Variants in TNNI3K observed in about 807,000 individuals in gnomAD.
TNNI3K encodes serine/threonine-protein kinase TNNI3K.
TNNI3K carries 140 observed loss-of-function variants against 114.5 expected under a neutral mutation model. That is an observed-to-expected ratio of 1.22 (90% CI 1.07 to 1.41). TNNI3K has a LOEUF of 1.41. Ranked by LOEUF, TNNI3K falls within the 40% of genes most tolerant of loss-of-function variation. The pLI is 0.00. For synonymous variants in TNNI3K, 347 were observed against 347.5 expected, an observed-to-expected ratio of 1.00 and a Z score of 0.02; for missense variants, 1,125 against 1,007.6, an observed-to-expected ratio of 1.12 and a Z score of -1.58.
At chr1:74,503,795 T>C (rs1246354886) in intron 23 of TNNI3K, among the ~76,000 whole-genome samples, 2 of 152,156 alleles carry the variant, frequency 1.3e-5, no homozygotes, top group Non-Finnish European at 2.9e-5. Flanking sequence ...TGCCCATAGG[T>C]TTTACTAATT....
chr1:74,328,643 C>T (rs1030511195), intron 5 of TNNI3K, among the ~76,000 whole-genome samples: 1 of 152,104 alleles, frequency 6.6e-6, no homozygotes, highest in Non-Finnish European at 1.5e-5. Context: ...CATTTTGACA[C>T]TTTCTCAGAA....
At chr1:74,524,226 G>A (rs1646472549) in intron 23 of TNNI3K, among the ~76,000 whole-genome samples, 1 of 152,206 alleles carries the variant, frequency 6.6e-6, no homozygotes, top group Non-Finnish European at 1.5e-5. Flanking sequence ...GTATTTAGAG[G>A]CATTCTGAAG....
chr1:74,257,663 C>CTTTTTTTTTT (rs66853287), intron 4 of TNNI3K, among the ~76,000 whole-genome samples: 2 of 87,242 alleles, frequency 2.3e-5, no homozygotes, highest in African/African-American at 5.4e-5. Context: ...TGGCTTACCT[C>CTTTTTTTTTT]TTTTTTTTTT....
intron 5 of TNNI3K, among the ~76,000 whole-genome samples, chr1:74,286,407 G>A (rs1272311797): frequency 6.6e-6 from 1 of 152,020 alleles, no homozygotes; most frequent in Non-Finnish European, 1.5e-5. Context: ...GGCCTGCTCT[G>A]GGCCACCCCA....
chr1:74,236,324 G>C, intron 2 of TNNI3K, 114 bp downstream of exon 2: 2 of 845,118 alleles, frequency 2.4e-6, no homozygotes, highest in Non-Finnish European at 3.6e-6. Context: ...AAGCAGTCAT[G>C]TTCTAAGCCT....
At chr1:74,357,042 G>A (rs1414219787) in intron 11 of TNNI3K, among the ~76,000 whole-genome samples, 1 of 152,190 alleles carries the variant, frequency 6.6e-6, no homozygotes, top group Non-Finnish European at 1.5e-5. Context: ...TGTGTTCAGG[G>A]AGAACTGAAG....
chr1:74,454,333 T>C (rs1233044473), intron 20 of TNNI3K, among the ~76,000 whole-genome samples: 5 of 152,186 alleles, frequency 3.3e-5, no homozygotes, highest in Non-Finnish European at 7.4e-5. Flanking sequence ...TAACTGTACT[T>C]TTGTATCTAT....
At chr1:74,333,523 G>A (rs1380360633) in intron 6 of TNNI3K, among the ~76,000 whole-genome samples, 2 of 152,102 alleles carry the variant, frequency 1.3e-5, no homozygotes, top group African/African-American at 4.8e-5. Flanking sequence ...AACTAAATTT[G>A]TTTACTTTCC....
In TNNI3K at chr1:74,244,748, C is replaced by T. The variant is rs940018000; in HGVS notation, c.150-4711C>T. On this transcript the variant is annotated intron_variant, in intron 2 of 24. Coordinates refer to ENST00000326637, the MANE Select transcript of TNNI3K (RefSeq NM_015978.3). ...GTGAGCCTTAAGAGCAGAAGTGAGG[C>T]GTATAGTAGGTGTTTAGCAGGTGTT... Among the ~76,000 whole-genome samples the T allele has an allele frequency of 6.0e-5, 9 of 150,890 alleles. No individual in the cohort carries two copies. The East Asian group carries it at 1.2e-3, about 20-fold the overall frequency.
intron 2 of TNNI3K, among the ~76,000 whole-genome samples, chr1:74,245,864 T>C (rs2100838017): frequency 6.6e-6 from 1 of 152,314 alleles, no homozygotes; most frequent in African/African-American, 2.4e-5. Flanking sequence ...CCCTTCTTGC[T>C]TTCTGTGTTC....
chr1:74,313,187 C>T (rs564737461), intron 5 of TNNI3K, among the ~76,000 whole-genome samples: 2 of 152,296 alleles, frequency 1.3e-5, no homozygotes, highest in East Asian at 3.9e-4. Context: ...GGCATTATCT[C>T]TTTGGGGGAC....
At chr1:74,450,590 A>T (rs1666946531) in intron 20 of TNNI3K, among the ~76,000 whole-genome samples, 1 of 152,234 alleles carries the variant, frequency 6.6e-6, no homozygotes, top group Non-Finnish European at 1.5e-5. Flanking sequence ...GGCAAAGGAC[A>T]TGAACAGACA....
rs757694129 is a variant in TNNI3K at position 74,342,998 on chromosome 1, G to A, written c.827+12G>A. 9.9e-6 allele frequency: 16 copies of A among 1,613,588 alleles called. No individual in the cohort carries two copies. Among genetic ancestry groups the A allele is most frequent in the African/African-American group, 9.4e-5 (7 of 74,864 alleles). On this transcript the variant is annotated intron_variant, in intron 8 of 24. Coordinates refer to ENST00000326637, the MANE Select transcript of TNNI3K (RefSeq NM_015978.3). ...ACCCCCTTACACCTGTGAGTATTAT[G>A]TAGCATTCCATAGGTTCTCCAGGTA... is the stretch of plus-strand genomic sequence containing the variant.
chr1:74,445,647 G>T, intron 20 of TNNI3K, among the ~76,000 whole-genome samples: 3 of 125,796 alleles, frequency 2.4e-5, no homozygotes. Flanking sequence ...GTCTCGCTCT[G>T]TCGCCCAGGC....
chr1:74,456,306 AAGGAGC>A (rs1667223505), intron 20 of TNNI3K, among the ~76,000 whole-genome samples: 1 of 152,160 alleles, frequency 6.6e-6, no homozygotes, highest in South Asian at 2.1e-4. Flanking sequence ...GATACAAGAA[AAGGAGC>A]AGATTTATGA....
chr1:74,289,640 G>T (rs1657554396), intron 5 of TNNI3K, among the ~76,000 whole-genome samples: 1 of 151,882 alleles, frequency 6.6e-6, no homozygotes, highest in Admixed American at 6.6e-5. Flanking sequence ...ACACAGCCTT[G>T]CCATTGATAG....
At chr1:74,463,642 TTAAGACTGTCAAGGC>T in intron 21 of TNNI3K, 92 bp downstream of exon 21, 1 of 1,432,394 alleles carries the variant, frequency 7.0e-7, no homozygotes, top group Non-Finnish European at 9.7e-7. Context: ...AGTGTGTATT[TTAAGACTGTCAAGGC>T]GGGAAGACTG....
chr1:74,339,080 C>G (rs1660623611), intron 7 of TNNI3K, among the ~76,000 whole-genome samples: 1 of 152,092 alleles, frequency 6.6e-6, no homozygotes, highest in Admixed American at 6.6e-5. Flanking sequence ...TTCCTCTGCA[C>G]AACTCCAGAG....
chr1:74,508,085 C>T (rs147127527), intron 23 of TNNI3K, among the ~76,000 whole-genome samples: 459 of 152,252 alleles, frequency 3.0e-3, no homozygotes, highest in African/African-American at 0.01. Context: ...CTAACACAGA[C>T]GGAGGCATTA....
Sources: gnomAD v4.1 joint callset for allele counts (sites outside exome capture counted in the v4.1 genomes callset) on GRCh38, gnomAD v4.1.1 for gene constraint, MANE v1.5 for transcripts, NCBI Gene and HGNC (gene_info 2026-07-23, HGNC 2026-07-21) for gene names.